PLA2G2D: variants seen among roughly 807,000 people sequenced by gnomAD.
PLA2G2D encodes the protein group IID secretory phospholipase A2.
PLA2G2D carries 17 observed loss-of-function variants against 13.9 expected under a neutral mutation model. The observed-to-expected ratio is 1.23, with a 90% CI of 0.84 to 1.84. The LOEUF (loss-of-function observed/expected upper bound fraction) is 1.84, where lower values mean the gene tolerates loss of function less well. Ranked by LOEUF, PLA2G2D falls within the 40% of genes most tolerant of loss-of-function variation. The pLI, the probability that PLA2G2D is intolerant of heterozygous loss-of-function variation, is 0.00. For synonymous variants in PLA2G2D, 83 were observed against 69.3 expected (o/e 1.20, Z -0.98); for missense variants, 194 against 178.7 (o/e 1.09, Z -0.49).
In PLA2G2D at chr1:20,116,440, G is replaced by T; in HGVS notation, c.78C>A (p.Asn26Lys). Reference sequence around the variant, plus strand: ...TCCCAGTCACTTGCTTGACCATCTTGTTCAGGTTCAGGATCCCGCCCTGGA... The same window carrying T: ...TCCCAGTCACTTGCTTGACCATCTTTTTCAGGTTCAGGATCCCGCCCTGGA... ...IPIQGGILNLNKMVKQVTGKM... is the reference protein window; with the variant it reads ...IPIQGGILNLKKMVKQVTGKM... Residue 26 changes from asparagine to lysine, a missense_variant, in exon 2 of 4, where the codon AAC becomes AAA. Coordinates refer to ENST00000375105, the MANE Select transcript of PLA2G2D (RefSeq NM_012400.4). 1 of 1,614,096 alleles carries T rather than the reference G, an allele frequency of 6.2e-7. No homozygotes were observed. The highest frequency in any genetic ancestry group is 8.5e-7 in the Non-Finnish European group (1 of 1,179,990).
In PLA2G2D at chr1:20,115,628, G is replaced by A. The variant is rs774189409; in HGVS notation, c.186-15C>T. 1 of 1,521,144 alleles carries A rather than the reference G, an allele frequency of 6.6e-7. No homozygotes were observed. Among genetic ancestry groups the A allele is most frequent in the Non-Finnish European group, 9.1e-7 (1 of 1,095,734 alleles). The allele number at this position is 1,521,144 out of a possible 1,614,324, so 94.2% of individuals were successfully genotyped here. A position where few individuals can be genotyped will look rare whatever the true frequency, so the allele number is the denominator to read the frequency against. ...TCTGGCAGCACCTGGAGCAGACAGGGTGCACAGCTGCATGGGTCCCCAGCC... is the reference window on the plus strand; with the variant it reads ...TCTGGCAGCACCTGGAGCAGACAGGATGCACAGCTGCATGGGTCCCCAGCC... On this transcript the variant is annotated splice_polypyrimidine_tract_variant and intron_variant, in intron 2 of 3. Coordinates refer to ENST00000375105, the MANE Select transcript of PLA2G2D (RefSeq NM_012400.4).
chr1:20,116,464 G>T lies in PLA2G2D; in HGVS notation c.54C>A (p.Ile18=), dbSNP rs1377335372. The T allele has an allele frequency of 6.2e-7, 1 of 1,614,028 alleles. No individual in the cohort carries two copies. The highest frequency in any genetic ancestry group is 1.3e-5 in the African/African-American group (1 of 74,932). The change falls in exon 2 of 4, where the codon ATC becomes ATA. Residue 18 remains isoleucine (I), a synonymous_variant. Coordinates refer to ENST00000375105, the MANE Select transcript of PLA2G2D (RefSeq NM_012400.4). The part of the protein sequence containing the change: ...GLVVMAGVIP[I]QGGILNLNKM... ...TGTTCAGGTTCAGGATCCCGCCCTG[G>T]ATTGGAATCACACCTGCCAAGCAGC...
intron 3 of PLA2G2D, among the ~76,000 whole-genome samples, chr1:20,115,234 C>T (rs1445610936): frequency 1.3e-5 from 2 of 152,138 alleles, no homozygotes; most frequent in Non-Finnish European, 2.9e-5. Flanking sequence ...GGGTAGATTA[C>T]AGATGAGGAT....
chr1:20,115,570 G>A lies in PLA2G2D; in HGVS notation c.229C>T (p.Gln77Ter), dbSNP rs1476956241. ...HDCCYDHLKT[Q>*]GCSIYKDYYR... ...TAGTCCTTGTAGATGCTGCACCCCT[G>A]GGTCTTCAGGTGGTCATAGCAGCAG... Residue 77 changes from glutamine to a stop codon, truncating the protein, a stop_gained, in exon 3 of 4, where the codon CAG becomes TAG. Coordinates refer to ENST00000375105, the MANE Select transcript of PLA2G2D (RefSeq NM_012400.4). LOFTEE classifies it high-confidence loss of function. The A allele has an allele frequency of 1.2e-6, 2 of 1,612,970 alleles. No homozygotes were observed. The highest frequency in any genetic ancestry group is 1.7e-4 in the Middle Eastern group (1 of 6,058).
chr1:20,116,300 G>T (rs2016988598), intron 2 of PLA2G2D, 33 bp downstream of exon 2: 1 of 1,608,494 alleles, frequency 6.2e-7, no homozygotes, highest in East Asian at 2.2e-5. Context: ...GTCGGGGACA[G>T]TATAGGATTG....
intron 1 of PLA2G2D, among the ~76,000 whole-genome samples, chr1:20,118,794 A>C (rs941112446): frequency 1.3e-5 from 2 of 152,188 alleles, no homozygotes; most frequent in African/African-American, 4.8e-5. Flanking sequence ...CATCTGAGAG[A>C]TGAATTTTTG....
At chr1:20,117,927 G>A (rs1309015412) in intron 1 of PLA2G2D, among the ~76,000 whole-genome samples, 1 of 152,168 alleles carries the variant, frequency 6.6e-6, no homozygotes, top group African/African-American at 2.4e-5. Flanking sequence ...CAAAGTGACT[G>A]GGCCATCATG....
At chr1:20,116,518 A>G in intron 1 of PLA2G2D, 41 bp from the exon 2 acceptor site, 1 of 1,611,422 alleles carries the variant, frequency 6.2e-7, no homozygotes, top group African/African-American at 1.3e-5. Flanking sequence ...GAGGAGATGA[A>G]TTTCAGGGCA....
Position 20,119,479 on chromosome 1 carries a change from C to T in PLA2G2D, c.20G>A (p.Cys7Tyr). 3 of 1,614,020 alleles carry T rather than the reference C, an allele frequency of 1.9e-6. 1 individual carries two copies. The highest frequency in any genetic ancestry group is 2.5e-6 in the Non-Finnish European group (3 of 1,179,936). Residue 7 changes from cysteine to tyrosine, a missense_variant, in exon 1 of 4, where the codon TGT becomes TAT. Cys to Tyr is a radical substitution (Grantham distance 194). Transcript: ENST00000375105. MELALL[C>Y]GLVVMAGVIP... ...CTCACCAGCCATCACCACCAGCCCA[C>T]ACAGCAGTGCAAGTTCCATGATCCC...
At chr1:20,118,565 T>C (rs1392080696) in intron 1 of PLA2G2D, among the ~76,000 whole-genome samples, 1 of 152,234 alleles carries the variant, frequency 6.6e-6, no homozygotes, top group Non-Finnish European at 1.5e-5. Context: ...GCATGTGCCA[T>C]GTGTGAAGCT....
rs547331201 is a variant in PLA2G2D at position 20,119,382 on chromosome 1, T to G, written c.40+77A>C. 1,730 of 1,271,432 alleles carry G rather than the reference T, an allele frequency of 1.4e-3. 38 individuals carry two copies. The South Asian group carries it at 0.019, about 14-fold the overall frequency. The allele number at this position is 1,271,432 out of a possible 1,614,324, so 78.8% of individuals were successfully genotyped here. The stretch of plus-strand genomic sequence containing the variant: ...CCTGGGGATCAGAGCAGCAGCCCCC[T>G]AATCTGGGAAAGAGAGCACAGGGGT... On this transcript the variant is annotated intron_variant, in intron 1 of 3. Transcript: ENST00000375105.
chr1:20,118,953 A>G (rs772712342), intron 1 of PLA2G2D, among the ~76,000 whole-genome samples: 3 of 152,234 alleles, frequency 2.0e-5, no homozygotes, highest in African/African-American at 4.8e-5. Flanking sequence ...ATTGAGGACA[A>G]AAAGGCCAAT....
intron 1 of PLA2G2D, among the ~76,000 whole-genome samples, chr1:20,117,001 C>G (rs527932167): frequency 1.1e-4 from 17 of 152,030 alleles, no homozygotes; most frequent in African/African-American, 4.1e-4. Context: ...TACTATAGGT[C>G]TTCTTTTGTA....
At chr1:20,116,659 C>T (rs550266773) in intron 1 of PLA2G2D, among the ~76,000 whole-genome samples, 182 bp from the exon 2 acceptor site, 19 of 152,176 alleles carry the variant, frequency 1.2e-4, no homozygotes, top group African/African-American at 3.9e-4. Flanking sequence ...CAGTGGCTCA[C>T]GTCTGTAATC....
chr1:20,114,037 C>T lies in PLA2G2D; in HGVS notation c.*77G>A, dbSNP rs2016934204. 1 of 1,411,690 alleles carries T rather than the reference C, an allele frequency of 7.1e-7. No individual in the cohort carries two copies. The highest frequency in any genetic ancestry group is 9.7e-7 in the Non-Finnish European group (1 of 1,027,646). 87.4% of individuals were successfully genotyped at this position (1,411,690 alleles called of 1,614,324 possible). ...CCTCCCCCCGGAGTGTTTGAAAAGCCAGGCTGGTTCAGGTTAGATACTGAG... is the reference window on the plus strand; with the variant it reads ...CCTCCCCCCGGAGTGTTTGAAAAGCTAGGCTGGTTCAGGTTAGATACTGAG... On this transcript the variant is annotated 3_prime_UTR_variant, in exon 4 of 4. Coordinates refer to ENST00000375105, the MANE Select transcript of PLA2G2D (RefSeq NM_012400.4).
Position 20,112,418 on chromosome 1 carries a change from C to G in PLA2G2D, c.*1696G>C, listed in dbSNP as rs2016902557. ...TAGAACTGGAATTTGAACCCAGCGCCCACAGTCCTTCATTCCTATGACACC... is the reference window on the plus strand; with the variant it reads ...TAGAACTGGAATTTGAACCCAGCGCGCACAGTCCTTCATTCCTATGACACC... On this transcript the variant is annotated 3_prime_UTR_variant, in exon 4 of 4. Coordinates refer to ENST00000375105, the MANE Select transcript of PLA2G2D (RefSeq NM_012400.4). The G allele has an allele frequency of 6.6e-6, 1 of 152,254 alleles. No individual in the cohort carries two copies. The highest frequency in any genetic ancestry group is 1.9e-4 in the East Asian group (1 of 5,180). 9.4% of individuals were successfully genotyped at this position (152,254 alleles called of 1,614,324 possible). A position where few individuals can be genotyped will look rare whatever the true frequency, so the allele number is the denominator to read the frequency against.
At position 20,113,261 on chromosome 1, in the gene PLA2G2D, T is replaced by G. The variant is rs887997072; in HGVS notation, c.*853A>C. ...AGGTAAGCGGCAGAGCCATGAAGCA[T>G]TGTGGGAGCTTGGAGGAGGGAGTGA... is the stretch of plus-strand genomic sequence containing the variant. On this transcript the variant is annotated 3_prime_UTR_variant, in exon 4 of 4. Coordinates refer to ENST00000375105, the MANE Select transcript of PLA2G2D (RefSeq NM_012400.4). The G allele has an allele frequency of 1.3e-5, 2 of 152,316 alleles. No individual in the cohort carries two copies. Among genetic ancestry groups the G allele is most frequent in the Non-Finnish European group, 2.9e-5 (2 of 68,176 alleles). The allele number at this position is 152,316 out of a possible 1,614,324, so 9.4% of individuals were successfully genotyped here.
chr1:20,113,947 A>C lies in PLA2G2D; in HGVS notation c.*167T>G. On this transcript the variant is annotated 3_prime_UTR_variant, in exon 4 of 4. Coordinates refer to ENST00000375105, the MANE Select transcript of PLA2G2D (RefSeq NM_012400.4). ...GGACACAGCTACTGCCTCAACTGGGAGGATTCGGAAAGCTTCAGAAGGTCA... is the reference window on the plus strand; with the variant it reads ...GGACACAGCTACTGCCTCAACTGGGCGGATTCGGAAAGCTTCAGAAGGTCA... 1 of 552,468 alleles carries C rather than the reference A, an allele frequency of 1.8e-6. No individual in the cohort carries two copies. Among genetic ancestry groups the C allele is most frequent in the Non-Finnish European group, 3.2e-6 (1 of 307,826 alleles). 34.2% of individuals were successfully genotyped at this position (552,468 alleles called of 1,614,324 possible).
At chr1:20,114,393 G>T in intron 3 of PLA2G2D, 134 bp from the exon 4 acceptor site, 3 of 872,278 alleles carry the variant, frequency 3.4e-6, no homozygotes, top group Non-Finnish European at 5.2e-6. Flanking sequence ...CTCGATTCTA[G>T]CTGCATGACT....
Sources: gnomAD v4.1 joint callset for allele counts (sites outside exome capture counted in the v4.1 genomes callset) on GRCh38, gnomAD v4.1.1 for gene constraint, MANE v1.5 for transcripts, NCBI Gene and HGNC (gene_info 2026-07-23, HGNC 2026-07-21) for gene names.